Variants in LRTM3 observed in about 807,000 individuals in gnomAD.
LRTM3 encodes the protein leucine rich repeat transmembrane protein 3.
At chr13:102,756,560 G>C in the LRTM3 span, among the ~76,000 whole-genome samples, 1 of 150,814 alleles carries the variant, frequency 6.6e-6, no homozygotes, top group Non-Finnish European at 1.5e-5. Context: ...TGTAATCCCA[G>C]CTTCTATGGA....
the LRTM3 span, chr13:102,734,620 A>G: frequency 3.2e-6 from 5 of 1,550,480 alleles, no homozygotes; most frequent in East Asian, 1.2e-4. Flanking sequence ...GTTGCTTTTC[A>G]TTTTTAACAT....
At chr13:102,747,025 T>C in the LRTM3 span, 2 of 1,551,272 alleles carry the variant, frequency 1.3e-6, no homozygotes, top group South Asian at 2.4e-5. Flanking sequence ...TCTCTAGATG[T>C]GCATCAAGTC....
chr13:102,737,372 C>G, the LRTM3 span: 32 of 1,550,452 alleles, frequency 2.1e-5, no homozygotes, highest in Non-Finnish European at 2.8e-5. Context: ...CAATTCATAA[C>G]AAGTTAGAGA....
the LRTM3 span, chr13:102,730,003 G>A: frequency 6.4e-6 from 10 of 1,551,698 alleles, no homozygotes; most frequent in Non-Finnish European, 8.7e-6. Flanking sequence ...TCTCTTCACT[G>A]AATGATACAC....
At chr13:102,757,470 A>G in the LRTM3 span, among the ~76,000 whole-genome samples, 1 of 152,202 alleles carries the variant, frequency 6.6e-6, no homozygotes, top group Non-Finnish European at 1.5e-5. Flanking sequence ...CATGGTATAG[A>G]AAGCCGTTTA....
the LRTM3 span, chr13:102,733,977 T>G: frequency 6.4e-7 from 1 of 1,551,380 alleles, no homozygotes; most frequent in Non-Finnish European, 8.7e-7. Flanking sequence ...ATTCCTGGAG[T>G]GTCTTTGTCT....
the LRTM3 span, chr13:102,746,357 A>C: frequency 1.9e-6 from 3 of 1,550,726 alleles, no homozygotes; most frequent in East Asian, 2.4e-5. Flanking sequence ...ATTCTTAGCA[A>C]AGACATCAGT....
the LRTM3 span, chr13:102,731,102 A>C: frequency 1.3e-6 from 2 of 1,551,372 alleles, no homozygotes; most frequent in Middle Eastern, 1.7e-4. Context: ...AGGCAATAGC[A>C]TCTCACTAGC....
chr13:102,750,143 C>T, the LRTM3 span: 13 of 1,551,090 alleles, frequency 8.4e-6, no homozygotes, highest in African/African-American at 2.7e-5. Context: ...TTCATATTCT[C>T]TGTCTGGATG....
At chr13:102,730,311 C>A in the LRTM3 span, 1 of 1,551,330 alleles carries the variant, frequency 6.4e-7, no homozygotes, top group East Asian at 2.4e-5. Flanking sequence ...TCCAGAAACA[C>A]ACATTCCTCA....
the LRTM3 span, chr13:102,740,552 C>CT: frequency 1.2e-5 from 18 of 1,549,070 alleles, no homozygotes; most frequent in South Asian, 2.4e-5. Context: ...TAAGTCTTGT[C>CT]TTTTTTTACT....
At chr13:102,734,318 A>G in the LRTM3 span, 11 of 1,551,266 alleles carry the variant, frequency 7.1e-6, no homozygotes, top group Admixed American at 2.0e-5. Flanking sequence ...CATTAGTGGA[A>G]GTACAAAGGA....
At chr13:102,744,497 T>C in the LRTM3 span, 12 of 1,550,704 alleles carry the variant, frequency 7.7e-6, no homozygotes, top group Non-Finnish European at 1.0e-5. Flanking sequence ...TATTCCTTCT[T>C]GCATATGAGG....
At chr13:102,746,764 T>G in the LRTM3 span, 1 of 1,551,254 alleles carries the variant, frequency 6.4e-7, no homozygotes, top group South Asian at 1.2e-5. Flanking sequence ...AACCCATTTC[T>G]CTTGTATCAC....
At chr13:102,742,183 G>C in the LRTM3 span, 5 of 1,550,458 alleles carry the variant, frequency 3.2e-6, no homozygotes, top group Non-Finnish European at 4.4e-6. Context: ...TACTCAGCTG[G>C]AATGACTTCT....
chr13:102,745,823 T>G, the LRTM3 span: 1 of 1,551,214 alleles, frequency 6.4e-7, no homozygotes, highest in Non-Finnish European at 8.7e-7. Context: ...CTCTACCTTT[T>G]CAAATGGAAA....
the LRTM3 span, chr13:102,742,100 G>C: frequency 6.4e-7 from 1 of 1,550,390 alleles, no homozygotes; most frequent in African/African-American, 1.4e-5. Context: ...TTTTACTTCT[G>C]TAAGCTTTTT....
the LRTM3 span, chr13:102,748,903 T>G: frequency 6.4e-7 from 1 of 1,550,398 alleles, no homozygotes; most frequent in East Asian, 2.4e-5. Flanking sequence ...TATCTGAGAT[T>G]CCTGTCTCCT....
chr13:102,741,450 T>C, the LRTM3 span: 1 of 1,550,110 alleles, frequency 6.5e-7, no homozygotes, highest in Admixed American at 2.0e-5. Context: ...TTCTGTCCTT[T>C]AGAACCTACA....
Sources: gnomAD v4.1 joint callset for allele counts (sites outside exome capture counted in the v4.1 genomes callset) on GRCh38, gnomAD v4.1.1 for gene constraint, MANE v1.5 for transcripts, NCBI Gene and HGNC (gene_info 2026-07-23, HGNC 2026-07-21) for gene names.